PRSS57: variants seen among roughly 807,000 people sequenced by gnomAD.
PRSS57 encodes the protein neutrophil serine protease 4.
Under a neutral mutation model 20.6 loss-of-function variants are expected in PRSS57, and 19 were observed. The ratio of observed to expected loss-of-function variants is 0.92; its 90% CI spans 0.64 to 1.35. The LOEUF is 1.35. Among genes scored for constraint, PRSS57 ranks in the 40% most tolerant of loss-of-function variants. PRSS57 has a pLI of 0.00. For synonymous variants in PRSS57, 203 were observed against 176.6 expected (o/e 1.15, Z -1.19); for missense variants, 440 against 403.7 (o/e 1.09, Z -0.77).
At chr19:693,991 C>T (rs554475405) in intron 2 of PRSS57, among the ~76,000 whole-genome samples, 65 of 152,232 alleles carry the variant, frequency 4.3e-4, no homozygotes, top group African/African-American at 1.4e-3. Context: ...CCTCCTGCCT[C>T]GGCCTCCCAA....
chr19:694,616 G>A (rs1355306184), intron 2 of PRSS57, among the ~76,000 whole-genome samples, 198 bp downstream of exon 2: 5 of 147,422 alleles, frequency 3.4e-5, no homozygotes, highest in East Asian at 2.0e-4. Flanking sequence ...TACTTGTTGC[G>A]CCTGTTGCTT....
intron 3 of PRSS57, among the ~76,000 whole-genome samples, chr19:688,725 A>C (rs1384998140): frequency 1.3e-5 from 2 of 151,650 alleles, no homozygotes; most frequent in Non-Finnish European, 2.9e-5. Context: ...CAGCCTCCCG[A>C]GTAGCTGGGA....
intron 3 of PRSS57, among the ~76,000 whole-genome samples, chr19:689,158 G>T (rs1471753874): frequency 1.6e-5 from 2 of 126,664 alleles, no homozygotes; most frequent in Non-Finnish European, 1.7e-5. Context: ...CTAGAAGGGT[G>T]GTCCAGGGGT....
Position 687,120 on chromosome 19 carries a change from G to T in PRSS57, c.447C>A (p.Pro149=), listed in dbSNP as rs2031503258. Residue 149 remains proline, a synonymous_variant, in exon 4 of 5, where the codon CCC becomes CCA. Transcript: ENST00000329267. The part of the protein sequence containing the change: ...LLRPPGRRAR[P]PTAGTRCRVA... ...CCCGGCACCGTGTCCCCGCTGTGGG[G>T]GGCCTGGCCCTTCTCCCTGGCGGCC... The T allele has an allele frequency of 6.2e-7, 1 of 1,611,182 alleles. No individual in the cohort carries two copies. The highest frequency in any genetic ancestry group is 1.3e-5 in the African/African-American group (1 of 74,906).
At chr19:693,519 T>G (rs1226169996) in intron 2 of PRSS57, among the ~76,000 whole-genome samples, 1 of 151,984 alleles carries the variant, frequency 6.6e-6, no homozygotes, top group Non-Finnish European at 1.5e-5. Context: ...GTGATAATAT[T>G]AGGTTGGTGC....
At chr19:693,757 T>C (rs2031714692) in intron 2 of PRSS57, among the ~76,000 whole-genome samples, 1 of 151,858 alleles carries the variant, frequency 6.6e-6, no homozygotes, top group Non-Finnish European at 1.5e-5. Flanking sequence ...ATTTTTTTTT[T>C]GAGACAGAGT....
In PRSS57 at chr19:694,814, CT is replaced by C. The variant is rs751484699; in HGVS notation, c.232del (p.Arg78GlufsTer15). ...VVSAAHCFSH[R>X]DLRTGLVVLG... The stretch of plus-strand genomic sequence containing the variant: ...GAAGGGGCCCGACAGGTGAGCTCAC[CT>C]GTGGCTGAAGCAGTGGGCGGCCGAG... On this transcript the variant is annotated frameshift_variant and splice_region_variant, in exon 2 of 5. Transcript: ENST00000329267. LOFTEE classifies it high-confidence loss of function. 6 of 1,606,150 alleles carry C rather than the reference CT, an allele frequency of 3.7e-6. No homozygotes were observed. In the African/African-American group the frequency reaches 6.7e-5, roughly 18 times the overall value.
intron 2 of PRSS57, among the ~76,000 whole-genome samples, chr19:694,593 G>A (rs961047349): frequency 1.3e-5 from 2 of 150,348 alleles, no homozygotes; most frequent in Admixed American, 1.3e-4. Flanking sequence ...GACAGTTACA[G>A]TAACAGAATA....
chr19:690,769 C>T (rs889422484), intron 3 of PRSS57: 3 of 348,702 alleles, frequency 8.6e-6, no homozygotes, highest in South Asian at 2.8e-5. Flanking sequence ...TCATCGGGGC[C>T]GTCATCCTGG....
Sources: gnomAD v4.1 joint callset for allele counts (sites outside exome capture counted in the v4.1 genomes callset) on GRCh38, gnomAD v4.1.1 for gene constraint, MANE v1.5 for transcripts, NCBI Gene and HGNC (gene_info 2026-07-23, HGNC 2026-07-21) for gene names.